LPCAT1: variants seen among roughly 807,000 people sequenced by gnomAD.
LPCAT1 encodes 1-acylglycerol-3-phosphate O-acyltransferase.
A neutral mutation model predicts 60.9 loss-of-function variants in LPCAT1; 23 were observed. The observed-to-expected ratio is 0.38, with a 90% CI of 0.27 to 0.53. LPCAT1 has a LOEUF of 0.53. Ranked by LOEUF, LPCAT1 falls within the 20% of genes least tolerant of loss-of-function variation. The probability of loss-of-function intolerance (pLI) is 0.82; values close to 1 mark genes in which losing one functional copy is unlikely to be tolerated. For missense variants in LPCAT1, 622 were observed against 723.6 expected (o/e 0.86, Z 1.61); for synonymous variants, 340 against 301.1 (o/e 1.13, Z -1.34).
intron 1 of LPCAT1, among the ~76,000 whole-genome samples, chr5:1,507,898 C>T (rs988720511): frequency 2.0e-5 from 3 of 152,052 alleles, no homozygotes; most frequent in African/African-American, 7.2e-5. Flanking sequence ...GCAGAGAACT[C>T]CACAAAACAC....
Position 1,521,400 on chromosome 5 carries a change from C to T in LPCAT1, c.135+2310G>A, listed in dbSNP as rs1736673685. 1.0e-6 allele frequency: 1 copy of T among 985,340 alleles called. No homozygotes were observed. Among genetic ancestry groups the T allele is most frequent in the African/African-American group, 1.7e-5 (1 of 57,232 alleles). The allele number at this position is 985,340 out of a possible 1,614,324, so 61.0% of individuals were successfully genotyped here. On this transcript the variant is annotated intron_variant, in intron 1 of 13. Transcript: ENST00000283415. The surrounding 1 kb of genome is among the most constrained non-coding windows in gnomAD (Gnocchi z 4.3). The stretch of plus-strand genomic sequence containing the variant: ...GGTTTCTGCGGGTTCTTGAGTGTGT[C>T]AGCCACTACTGGACCCATTTCTTTC...
At chr5:1,498,397 G>T (rs190262751) in intron 2 of LPCAT1, among the ~76,000 whole-genome samples, 1 of 152,276 alleles carries the variant, frequency 6.6e-6, no homozygotes, top group East Asian at 1.9e-4. Context: ...TGAAGGAGAC[G>T]CCAGGGGCTC....
At chr5:1,482,412 C>T (rs1213837604) in intron 6 of LPCAT1, among the ~76,000 whole-genome samples, 4 of 85,364 alleles carry the variant, frequency 4.7e-5, no homozygotes, top group African/African-American at 2.0e-4. Flanking sequence ...GGGGCGGGGC[C>T]AGGGGGTGGG....
At position 1,470,922 on chromosome 5, in the gene LPCAT1, G is replaced by C; in HGVS notation, c.1182C>G (p.Ser394Arg). 6.2e-7 allele frequency: 1 copy of C among 1,612,222 alleles called. No individual in the cohort carries two copies. Among genetic ancestry groups the C allele is most frequent in the Non-Finnish European group, 8.5e-7 (1 of 1,179,506 alleles). ...LEDMFSLFDE[S>R]GSGEVDLREC... ...CTCGCAGGTCCACCTCGCCGCTGCC[G>C]CTCTGTGGGGAGAGACGCTCTCAGC... Residue 394 changes from serine (S) to arginine (R), a missense_variant and splice_region_variant, in exon 12 of 14, where the codon AGC becomes AGG. Ser to Arg is a moderately radical substitution (Grantham distance 110). Coordinates refer to ENST00000283415, the MANE Select transcript of LPCAT1 (RefSeq NM_024830.5).
chr5:1,467,915 GGGGCCGTCGCCCTGA>G (rs1412649410), intron 12 of LPCAT1, among the ~76,000 whole-genome samples: 1 of 152,112 alleles, frequency 6.6e-6, no homozygotes. Context: ...GGGCTCCGAC[GGGGCCGTCGCCCTGA>G]CTCCGAGTCC....
rs1387968620 is a variant in LPCAT1 at position 1,481,452 on chromosome 5, G to GC, written c.727-477dup. On this transcript the variant is annotated intron_variant, in intron 6 of 13. Transcript: ENST00000283415. The surrounding 1 kb of genome is among the most constrained non-coding windows in gnomAD (Gnocchi z 7.8). ...CCCCCAACCACGGTGCATGTGCAGG[G>GC]CCCCCCCACCCCGGGTGCTCTGAAG... 2.0e-5 allele frequency among the ~76,000 whole-genome samples: 3 copies of GC among 152,088 alleles called. No individual in the cohort carries two copies. Among genetic ancestry groups the GC allele is most frequent in the Non-Finnish European group, 4.4e-5 (3 of 68,012 alleles).
intron 2 of LPCAT1, among the ~76,000 whole-genome samples, chr5:1,498,803 C>T (rs1735901275): frequency 6.6e-6 from 1 of 152,150 alleles, no homozygotes. Context: ...TACACATGTA[C>T]ACACTCATAT....
intron 5 of LPCAT1, 73 bp downstream of exon 5, chr5:1,488,318 A>G: frequency 1.0e-6 from 1 of 968,866 alleles, no homozygotes. Flanking sequence ...TGCACAGCAC[A>G]TTATTAAAAA....
rs138488745 is a variant in LPCAT1 at position 1,493,707 on chromosome 5, G to A, written c.493+993C>T. 8.4e-4 allele frequency among the ~76,000 whole-genome samples: 128 copies of A among 152,346 alleles called. No homozygotes were observed. In the Middle Eastern group the frequency reaches 0.01, roughly 12 times the overall value. On this transcript the variant is annotated intron_variant, in intron 3 of 13. Coordinates refer to ENST00000283415, the MANE Select transcript of LPCAT1 (RefSeq NM_024830.5). ...CAGAGCTCTGGTGGGTCAGGGCTGCGCACAGGTGGGTGAGGGGCCACGCAG... is the reference window on the plus strand; with the variant it reads ...CAGAGCTCTGGTGGGTCAGGGCTGCACACAGGTGGGTGAGGGGCCACGCAG...
rs979544807 is a variant in LPCAT1 at position 1,481,124 on chromosome 5, C to T, written c.727-148G>A. 5.1e-6 allele frequency: 5 copies of T among 983,354 alleles called. No homozygotes were observed. Among genetic ancestry groups the T allele is most frequent in the Admixed American group, 3.9e-5 (2 of 51,868 alleles). The allele number at this position is 983,354 out of a possible 1,614,324, so 60.9% of individuals were successfully genotyped here. ...AGGGAGGAGGGTGCTAGAGCTCCAGCTTCCCAGAGTCCCTGAGGATCCAGG... is the reference window on the plus strand; with the variant it reads ...AGGGAGGAGGGTGCTAGAGCTCCAGTTTCCCAGAGTCCCTGAGGATCCAGG... On this transcript the variant is annotated intron_variant, in intron 6 of 13. Coordinates refer to ENST00000283415, the MANE Select transcript of LPCAT1 (RefSeq NM_024830.5). The surrounding 1 kb of genome is among the most constrained non-coding windows in gnomAD (Gnocchi z 7.8).
intron 12 of LPCAT1, 104 bp from the exon 13 acceptor site, chr5:1,466,994 T>A: frequency 8.0e-7 from 1 of 1,253,212 alleles, no homozygotes; most frequent in Non-Finnish European, 1.0e-6. Context: ...TCAGAGCTGC[T>A]GGGCACCTGC....
Position 1,495,330 on chromosome 5 carries a change from T to TGGG in LPCAT1, c.279-419_279-417dup, listed in dbSNP as rs10708465. Among the ~76,000 whole-genome samples, 7 of 140,634 alleles carry TGGG rather than the reference T, an allele frequency of 5.0e-5. No homozygotes were observed. The highest frequency in any genetic ancestry group is 1.8e-4 in the African/African-American group (7 of 38,740). 92.3% of individuals were successfully genotyped at this position (140,634 alleles called of 152,430 possible). ...AACACCTAAAACGCATATCGCAATA[T>TGGG]GGGGGGGGGGGCGCTCAGAGCTGAG... On this transcript the variant is annotated intron_variant, in intron 2 of 13. Coordinates refer to ENST00000283415, the MANE Select transcript of LPCAT1 (RefSeq NM_024830.5). This position sits in a 1 kb window ranked among gnomAD's most constrained non-coding sequence, Gnocchi z 4.7.
rs1184544261 is a variant in LPCAT1 at position 1,495,284 on chromosome 5, T to G, written c.279-370A>C. ...ACTTATTTATCAGCATCCTATCATT[T>G]TGAAATGGGAAAAACATTAAAACAC... On this transcript the variant is annotated intron_variant, in intron 2 of 13. Transcript: ENST00000283415. The surrounding 1 kb of genome is among the most constrained non-coding windows in gnomAD (Gnocchi z 4.7). Among the ~76,000 whole-genome samples, 1 of 151,180 alleles carries G rather than the reference T, an allele frequency of 6.6e-6. No homozygotes were observed. The highest frequency in any genetic ancestry group is 2.4e-5 in the African/African-American group (1 of 41,132).
At chr5:1,488,369 A>C in intron 5 of LPCAT1, 22 bp downstream of exon 5, 2 of 1,485,284 alleles carry the variant, frequency 1.3e-6, no homozygotes, top group Non-Finnish European at 1.8e-6. Context: ...GAGAAAAATA[A>C]ACATTTAAGA....
At position 1,480,411 on chromosome 5, in the gene LPCAT1, CGTCAGCACCCAGGAGGCCCTGA is replaced by C; in HGVS notation, c.761+509_761+530del. On this transcript the variant is annotated intron_variant, in intron 7 of 13. Coordinates refer to ENST00000283415, the MANE Select transcript of LPCAT1 (RefSeq NM_024830.5). This position sits in a 1 kb window ranked among gnomAD's most constrained non-coding sequence, Gnocchi z 6.4. The stretch of plus-strand genomic sequence containing the variant: ...TCTGCCCTCCCGACGTCAGCTCAGA[CGTCAGCACCCAGGAGGCCCTGA>C]CCAGCCTGTGGCCCCGGGCTTCTCC... 1 of 983,782 alleles carries C rather than the reference CGTCAGCACCCAGGAGGCCCTGA, an allele frequency of 1.0e-6. No individual in the cohort carries two copies. The highest frequency in any genetic ancestry group is 1.7e-5 in the African/African-American group (1 of 57,314). The allele number at this position is 983,782 out of a possible 1,614,324, so 60.9% of individuals were successfully genotyped here.
chr5:1,485,178 A>C (rs933102100), intron 5 of LPCAT1, among the ~76,000 whole-genome samples: 1 of 152,158 alleles, frequency 6.6e-6, no homozygotes, highest in Non-Finnish European at 1.5e-5. Flanking sequence ...ACTCAGTAAG[A>C]ATCAAAGGAA....
chr5:1,466,892 T>TGCACGTCG lies in LPCAT1; in HGVS notation c.1279-3_1279-2insCGACGTGC, dbSNP rs1193504411. On this transcript the variant is annotated splice_region_variant and splice_polypyrimidine_tract_variant and intron_variant, in intron 12 of 13. Coordinates refer to ENST00000283415, the MANE Select transcript of LPCAT1 (RefSeq NM_024830.5). ...GCCGTCCTCTTGCGCTCCGTACATCTGCAAGGCAAACTGGGTGTCACCTTG... is the reference window on the plus strand; with the variant it reads ...GCCGTCCTCTTGCGCTCCGTACATCTGCACGTCGGCAAGGCAAACTGGGTGTCACCTTG... 6.4e-7 allele frequency: 1 copy of TGCACGTCG among 1,568,034 alleles called. No individual in the cohort carries two copies. The highest frequency in any genetic ancestry group is 8.7e-7 in the Non-Finnish European group (1 of 1,152,124).
intron 1 of LPCAT1, among the ~76,000 whole-genome samples, chr5:1,520,508 A>G (rs1273492783): frequency 2.0e-5 from 3 of 152,186 alleles, no homozygotes; most frequent in Non-Finnish European, 4.4e-5. Flanking sequence ...GGAAGGCATT[A>G]TGCTTTCCAG....
chr5:1,471,016 G>A, intron 11 of LPCAT1, 92 bp from the exon 12 acceptor site: 1 of 978,890 alleles, frequency 1.0e-6, no homozygotes, highest in Non-Finnish European at 1.6e-6. Context: ...TTAATTAAAG[G>A]CCAGTCCCAC....
Sources: gnomAD v4.1 joint callset for allele counts (sites outside exome capture counted in the v4.1 genomes callset) on GRCh38, gnomAD v4.1.1 for gene constraint, Gnocchi (gnomAD v3.1) non-coding constraint, MANE v1.5 for transcripts, NCBI Gene and HGNC (gene_info 2026-07-23, HGNC 2026-07-21) for gene names.